CNIH3: variants seen among roughly 807,000 people sequenced by gnomAD.
CNIH3 encodes cornichon family AMPA receptor auxiliary protein 3.
A neutral mutation model predicts 24.1 loss-of-function variants in CNIH3; 14 were observed. The ratio of observed to expected loss-of-function variants is 0.58; its 90% CI spans 0.38 to 0.91. The LOEUF (loss-of-function observed/expected upper bound fraction) is 0.91, where lower values mean the gene tolerates loss of function less well. Among genes scored for constraint, CNIH3 ranks in the 40% least tolerant of loss-of-function variants. The probability of loss-of-function intolerance (pLI) is 0.00; values close to 1 mark genes in which losing one functional copy is unlikely to be tolerated. For synonymous variants in CNIH3, 68 were observed against 73.8 expected (o/e 0.92, Z 0.40); for missense variants, 178 against 196.8 (o/e 0.90, Z 0.57).
chr1:224,644,266 A>G (rs1684494027), intron 1 of CNIH3, among the ~76,000 whole-genome samples: 1 of 152,152 alleles, frequency 6.6e-6, no homozygotes, highest in Non-Finnish European at 1.5e-5. Context: ...GCTGGAGTGC[A>G]GTGGCACAGT....
At chr1:224,444,375 T>G (rs1675055428) in intron 1 of CNIH3, among the ~76,000 whole-genome samples, 1 of 152,166 alleles carries the variant, frequency 6.6e-6, no homozygotes. Flanking sequence ...TTTTTATTTT[T>G]ATTTTTATTT....
intron 3 of CNIH3, among the ~76,000 whole-genome samples, chr1:224,563,988 T>C (rs1205465826): frequency 6.6e-6 from 1 of 152,132 alleles, no homozygotes; most frequent in Non-Finnish European, 1.5e-5. Flanking sequence ...AGGGTGAATA[T>C]ACATTTTTCT....
intron 1 of CNIH3, among the ~76,000 whole-genome samples, chr1:224,448,650 G>A (rs200288253): frequency 3.3e-5 from 5 of 152,156 alleles, no homozygotes; most frequent in Admixed American, 2.6e-4. Flanking sequence ...CAAAATGGCC[G>A]TGCAGTGCAA....
intron 1 of CNIH3, among the ~76,000 whole-genome samples, chr1:224,660,221 C>T (rs183964795): frequency 4.6e-5 from 7 of 152,216 alleles, no homozygotes; most frequent in Non-Finnish European, 7.4e-5. Flanking sequence ...CTTACAATCA[C>T]GGTGGAAGAC....
At chr1:224,585,127 C>T (rs929037259) in intron 5 of CNIH3, among the ~76,000 whole-genome samples, 1 of 152,192 alleles carries the variant, frequency 6.6e-6, no homozygotes, top group Non-Finnish European at 1.5e-5. Context: ...ACTTACTTTT[C>T]CTTACCATTC....
At chr1:224,580,727 T>G (rs949354495) in intron 4 of CNIH3, among the ~76,000 whole-genome samples, 1 of 151,308 alleles carries the variant, frequency 6.6e-6, no homozygotes, top group African/African-American at 2.4e-5. Context: ...CTTGGGAGAC[T>G]GAGGCAGGAG....
rs559424182 is a variant in CNIH3 at position 224,733,223 on chromosome 1, C to T, written c.312-1340C>T. Among the ~76,000 whole-genome samples the T allele has an allele frequency of 6.6e-5, 10 of 152,336 alleles. No homozygotes were observed. In the South Asian group the frequency reaches 2.1e-3, roughly 32 times the overall value. On this transcript the variant is annotated intron_variant, in intron 4 of 5. Coordinates refer to ENST00000272133, the MANE Select transcript of CNIH3 (RefSeq NM_152495.2). ...GCAGTGGGCAATTCCATCCCCATTT[C>T]ACCGATGAGAAAGTTGAGGCTCAGA...
intron 1 of CNIH3, among the ~76,000 whole-genome samples, chr1:224,459,942 G>A (rs1675839209): frequency 6.8e-6 from 1 of 147,580 alleles, no homozygotes; most frequent in East Asian, 2.0e-4. Context: ...AGAGGTATGT[G>A]CACAGCTCAC....
intron 1 of CNIH3, among the ~76,000 whole-genome samples, chr1:224,486,433 C>G (rs1014285850): frequency 7.9e-5 from 12 of 152,144 alleles, no homozygotes; most frequent in Non-Finnish European, 1.3e-4. Flanking sequence ...TTAAGTGCAG[C>G]CTGTAGCTTT....
chr1:224,665,654 AC>A (rs1391948717), intron 1 of CNIH3, among the ~76,000 whole-genome samples: 1 of 152,092 alleles, frequency 6.6e-6, no homozygotes, highest in Non-Finnish European at 1.5e-5. Flanking sequence ...CTTTGCATCT[AC>A]TTATATGTGG....
intron 1 of CNIH3, among the ~76,000 whole-genome samples, chr1:224,495,705 C>T (rs770890171): frequency 2.6e-5 from 4 of 152,146 alleles, no homozygotes; most frequent in South Asian, 2.1e-4. Context: ...AATGGGCATT[C>T]ACCAGGGGAA....
intron 1 of CNIH3, among the ~76,000 whole-genome samples, chr1:224,656,538 C>T (rs538441640): frequency 1.3e-4 from 20 of 152,112 alleles, no homozygotes; most frequent in African/African-American, 3.6e-4. Flanking sequence ...GGTATAAGGG[C>T]GGCGGGCGGC....
exon 2 of CNIH3, chr1:224,521,023 C>G (rs1678605277): frequency 6.6e-6 from 1 of 152,218 alleles, no homozygotes; most frequent in Non-Finnish European, 1.5e-5. Context: ...TGCTGTGGCT[C>G]CAGGCATCAC....
chr1:224,502,972 G>A (rs1053245696), intron 1 of CNIH3, among the ~76,000 whole-genome samples: 2 of 151,650 alleles, frequency 1.3e-5, no homozygotes, highest in Admixed American at 6.6e-5. Context: ...TGAGGGAGGA[G>A]GAGGAGGGAA....
intron 3 of CNIH3, among the ~76,000 whole-genome samples, chr1:224,695,398 CT>C (rs1348288499): frequency 0.016 from 2,360 of 145,224 alleles, 64 homozygotes; most frequent in African/African-American, 0.056. Flanking sequence ...ACACACACCC[CT>C]GTTGGTTCTG....
chr1:224,724,255 C>T (rs1160539899), intron 3 of CNIH3, among the ~76,000 whole-genome samples: 10 of 152,178 alleles, frequency 6.6e-5, no homozygotes, highest in Admixed American at 2.0e-4. Flanking sequence ...TCCCAGCTGG[C>T]GGAGTGTTCC....
intron 2 of CNIH3, among the ~76,000 whole-genome samples, chr1:224,523,814 G>A (rs1240936299): frequency 2.0e-5 from 3 of 152,132 alleles, no homozygotes; most frequent in Non-Finnish European, 4.4e-5. Context: ...TGAGCTGCAG[G>A]GCAAGAGGCA....
chr1:224,670,622 TG>T (rs373107303), intron 1 of CNIH3, among the ~76,000 whole-genome samples: 35 of 152,292 alleles, frequency 2.3e-4, no homozygotes, highest in African/African-American at 6.5e-4. Context: ...TGGAGGAGGC[TG>T]GGTCACACAC....
chr1:224,547,934 C>T (rs1009973157), intron 3 of CNIH3, among the ~76,000 whole-genome samples: 25 of 151,862 alleles, frequency 1.6e-4, no homozygotes, highest in African/African-American at 5.6e-4. Context: ...ACTCCAATAT[C>T]ACAGTGGGTA....
Sources: gnomAD v4.1 joint callset for allele counts (sites outside exome capture counted in the v4.1 genomes callset) on GRCh38, gnomAD v4.1.1 for gene constraint, MANE v1.5 for transcripts, NCBI Gene and HGNC (gene_info 2026-07-23, HGNC 2026-07-21) for gene names.